SDC2: variants seen among roughly 807,000 people sequenced by gnomAD.
SDC2 encodes the protein syndecan 2.
In SDC2, 13 loss-of-function variants were observed where a neutral mutation model predicts 22.2. The observed-to-expected ratio is 0.59, with a 90% CI of 0.38 to 0.93. The LOEUF (loss-of-function observed/expected upper bound fraction) is 0.93, where lower values mean the gene tolerates loss of function less well. SDC2 is among the 40% of genes least tolerant of loss of function. The pLI is 0.00. For missense variants in SDC2, 235 were observed against 246.8 expected, an observed-to-expected ratio of 0.95 and a Z score of 0.32; for synonymous variants, 94 against 92.8, an observed-to-expected ratio of 1.01 and a Z score of -0.07.
chr8:96,602,674 G>T (rs1586326326), intron 3 of SDC2, 146 bp downstream of exon 3: 1 of 811,712 alleles, frequency 1.2e-6, no homozygotes, highest in Non-Finnish European at 1.8e-6. Context: ...TCTTTTAAAA[G>T]ACCCCACTTA....
chr8:96,527,644 C>G (rs1563649458), intron 1 of SDC2, among the ~76,000 whole-genome samples: 1 of 152,082 alleles, frequency 6.6e-6, no homozygotes, highest in East Asian at 1.9e-4. Flanking sequence ...CTTGTTGAGT[C>G]TTAAAACCAA....
At chr8:96,579,421 A>G (rs1027370423) in intron 1 of SDC2, among the ~76,000 whole-genome samples, 1 of 152,240 alleles carries the variant, frequency 6.6e-6, no homozygotes, top group African/African-American at 2.4e-5. Context: ...TAAGAGGCCT[A>G]GCGTGAAAAG....
intron 1 of SDC2, among the ~76,000 whole-genome samples, chr8:96,506,889 G>C (rs1190689037): frequency 6.6e-6 from 1 of 151,818 alleles, no homozygotes; most frequent in Non-Finnish European, 1.5e-5. Flanking sequence ...GGCGCCTGTA[G>C]TCCCAGCTAC....
intron 1 of SDC2, among the ~76,000 whole-genome samples, chr8:96,592,176 T>A (rs1814791768): frequency 6.6e-6 from 1 of 152,198 alleles, no homozygotes; most frequent in Admixed American, 6.5e-5. Flanking sequence ...CATGCTTTGC[T>A]TTCAGTTGGC....
At chr8:96,568,998 T>C (rs1563664930) in intron 1 of SDC2, among the ~76,000 whole-genome samples, 4 of 152,142 alleles carry the variant, frequency 2.6e-5, no homozygotes, top group African/African-American at 9.7e-5. Flanking sequence ...TGCTCACTGC[T>C]TCCTCCTCCT....
rs540692265 is a variant in SDC2 at position 96,592,306 on chromosome 8, G to A, written c.61-1174G>A. Among the ~76,000 whole-genome samples the A allele has an allele frequency of 2.6e-5, 4 of 152,342 alleles. No homozygotes were observed. In the East Asian group the frequency reaches 7.7e-4, roughly 29 times the overall value. ...CAGAGGGTTGGACCTGTCCTCTTAG[G>A]AAGGTTCCAATCACAGCGACTGCTG... On this transcript the variant is annotated intron_variant, in intron 1 of 4. Transcript: ENST00000302190.
chr8:96,581,409 A>G (rs1437459328), intron 1 of SDC2, among the ~76,000 whole-genome samples: 1 of 152,144 alleles, frequency 6.6e-6, no homozygotes, highest in African/African-American at 2.4e-5. Flanking sequence ...CGGGCAGATC[A>G]CTTGAGGGTT....
At chr8:96,556,935 A>T (rs1197610644) in intron 1 of SDC2, among the ~76,000 whole-genome samples, 2 of 151,090 alleles carry the variant, frequency 1.3e-5, no homozygotes, top group Non-Finnish European at 3.0e-5. Context: ...CAAGAAAAAA[A>T]CAAACAACCC....
chr8:96,524,785 T>TA (rs1301594225), intron 1 of SDC2, among the ~76,000 whole-genome samples: 4 of 152,216 alleles, frequency 2.6e-5, no homozygotes, highest in African/African-American at 9.6e-5. Context: ...TTCCACCTAA[T>TA]AAATACTGCA....
At chr8:96,574,379 C>T (rs1392126351) in intron 1 of SDC2, among the ~76,000 whole-genome samples, 1 of 152,214 alleles carries the variant, frequency 6.6e-6, no homozygotes, top group Non-Finnish European at 1.5e-5. Context: ...GCAAAAAAGC[C>T]TACCTGTGGT....
At chr8:96,598,420 G>A (rs1203868642) in intron 2 of SDC2, among the ~76,000 whole-genome samples, 5 of 152,062 alleles carry the variant, frequency 3.3e-5, no homozygotes, top group South Asian at 2.1e-4. Flanking sequence ...TCAGGAGTTC[G>A]AGAACAGCCT....
In SDC2 at chr8:96,599,144, T is replaced by C. The variant is rs1031548796; in HGVS notation, c.173-3251T>C. 2.6e-5 allele frequency among the ~76,000 whole-genome samples: 4 copies of C among 152,064 alleles called. No individual in the cohort carries two copies. The East Asian group carries it at 7.7e-4, about 29-fold the overall frequency. Reference sequence around the variant, plus strand: ...TTTTAGTAGGGATGGGGTTTCACCATGTTAGCCAAGATGGTCTTGATCTCC... The same window carrying C: ...TTTTAGTAGGGATGGGGTTTCACCACGTTAGCCAAGATGGTCTTGATCTCC... On this transcript the variant is annotated intron_variant, in intron 2 of 4. Coordinates refer to ENST00000302190, the MANE Select transcript of SDC2 (RefSeq NM_002998.4).
intron 1 of SDC2, among the ~76,000 whole-genome samples, chr8:96,556,049 CACACACAT>C (rs1177308508): frequency 2.9e-5 from 4 of 138,652 alleles, no homozygotes; most frequent in South Asian, 2.2e-4. Flanking sequence ...CACACACACA[CACACACAT>C]ACACACACAC....
intron 1 of SDC2, among the ~76,000 whole-genome samples, chr8:96,559,460 A>C (rs566793370): frequency 3.5e-4 from 53 of 152,326 alleles, no homozygotes; most frequent in African/African-American, 1.3e-3. Context: ...AAATCACTGC[A>C]GATTTCTGAA....
At chr8:96,494,517 TGCTCGCTGGCGTTACCCCGCGGTCCGCG>T (rs1813017835) in intron 1 of SDC2, among the ~76,000 whole-genome samples, 186 bp downstream of exon 1, 1 of 152,190 alleles carries the variant, frequency 6.6e-6, no homozygotes. Flanking sequence ...AGAAAAGCGC[TGCTCGCTGGCGTTACCCCGCGGTCCGCG>T]GGAATGGGGG....
intron 1 of SDC2, among the ~76,000 whole-genome samples, chr8:96,544,528 CTT>C (rs1252562003): frequency 6.6e-6 from 1 of 152,200 alleles, no homozygotes; most frequent in South Asian, 2.1e-4. Flanking sequence ...TCTTTTCTCT[CTT>C]GAGTTCCTGT....
rs2255025 is a variant in SDC2 at position 96,609,332 on chromosome 8, T to C, written c.443-53T>C. 9,235 of 1,425,420 alleles carry C rather than the reference T, an allele frequency of 6.5e-3. 405 individuals are homozygous for C. The African/African-American group carries it at 0.1, about 16-fold the overall frequency. 88.3% of individuals were successfully genotyped at this position (1,425,420 alleles called of 1,614,324 possible). A position where few individuals can be genotyped will look rare whatever the true frequency, so the allele number is the denominator to read the frequency against. On this transcript the variant is annotated intron_variant, in intron 4 of 4. Coordinates refer to ENST00000302190, the MANE Select transcript of SDC2 (RefSeq NM_002998.4). The stretch of plus-strand genomic sequence containing the variant: ...AGATTAGGCTTGACAATAAAGCTAA[T>C]GTCTGCAACCCTTGAATCTCTTCTA...
chr8:96,610,246 T>C lies in SDC2; in HGVS notation c.*698T>C, dbSNP rs561247811. 3 of 152,648 alleles carry C rather than the reference T, an allele frequency of 2.0e-5. No individual in the cohort carries two copies. Among genetic ancestry groups the C allele is most frequent in the South Asian group, 2.1e-4 (1 of 4,838 alleles). 9.5% of individuals were successfully genotyped at this position (152,648 alleles called of 1,614,324 possible). A position where few individuals can be genotyped will look rare whatever the true frequency, so the allele number is the denominator to read the frequency against. On this transcript the variant is annotated 3_prime_UTR_variant, in exon 5 of 5. Coordinates refer to ENST00000302190, the MANE Select transcript of SDC2 (RefSeq NM_002998.4). Reference sequence around the variant, plus strand: ...TAGTCATATCTATCTAATCAGATCTTCTTTTGGGAGGATTTGATGTAAGTT... The same window carrying C: ...TAGTCATATCTATCTAATCAGATCTCCTTTTGGGAGGATTTGATGTAAGTT...
At chr8:96,513,718 A>G (rs1392205977) in intron 1 of SDC2, among the ~76,000 whole-genome samples, 1 of 152,228 alleles carries the variant, frequency 6.6e-6, no homozygotes, top group East Asian at 1.9e-4. Context: ...CTTGGATCTT[A>G]CATACTTTTG....
Sources: allele counts gnomAD v4.1 joint callset (sites outside exome capture counted in the v4.1 genomes callset), GRCh38; gene constraint gnomAD v4.1.1; transcripts MANE v1.5; gene names NCBI Gene and HGNC (gene_info 2026-07-23, HGNC 2026-07-21).